CGNL1: variants seen among roughly 807,000 people sequenced by gnomAD.
CGNL1 encodes cingulin like 1.
CGNL1 carries 132 observed loss-of-function variants against 141.2 expected under a neutral mutation model. The observed-to-expected ratio is 0.93, with a 90% CI of 0.81 to 1.08. The LOEUF is 1.08. CGNL1 is among the 50% of genes least tolerant of loss of function. The pLI, the probability that CGNL1 is intolerant of heterozygous loss-of-function variation, is 0.00. For missense variants in CGNL1, 1,870 were observed against 1,588.6 expected (o/e 1.18, Z -3.01); for synonymous variants, 690 against 622.1 (o/e 1.11, Z -1.63).
intron 17 of CGNL1, 105 bp downstream of exon 17, chr15:57,545,805 G>A: frequency 2.1e-6 from 2 of 942,718 alleles, no homozygotes; most frequent in Admixed American, 2.1e-5. Context: ...GTGTGAGTGG[G>A]CTGATTCCTC....
At chr15:57,386,601 C>T (rs2152223297) in intron 1 of CGNL1, among the ~76,000 whole-genome samples, 1 of 152,268 alleles carries the variant, frequency 6.6e-6, no homozygotes, top group Non-Finnish European at 1.5e-5. Flanking sequence ...GCTCTGTGTA[C>T]AACCTTTGGC....
intron 14 of CGNL1, among the ~76,000 whole-genome samples, chr15:57,543,221 T>TCC (rs752699057): frequency 0.38 from 57,593 of 151,916 alleles, 11,374 homozygotes; most frequent in East Asian, 0.51. Context: ...ATCCTCCATC[T>TCC]CCACTTCCCT....
chr15:57,491,024 G>C (rs1166726369), intron 8 of CGNL1, among the ~76,000 whole-genome samples: 3 of 152,156 alleles, frequency 2.0e-5, no homozygotes, highest in Non-Finnish European at 4.4e-5. Context: ...AGAGGAGCCT[G>C]AGGAGCTATG....
intron 14 of CGNL1, among the ~76,000 whole-genome samples, chr15:57,539,016 G>T (rs1387463378): frequency 1.3e-5 from 2 of 152,150 alleles, no homozygotes; most frequent in Non-Finnish European, 2.9e-5. Flanking sequence ...GATAACATCT[G>T]CCTCGGAGAG....
At chr15:57,463,297 A>G (rs371443350) in intron 8 of CGNL1, among the ~76,000 whole-genome samples, 1 of 152,216 alleles carries the variant, frequency 6.6e-6, no homozygotes, top group Non-Finnish European at 1.5e-5. Context: ...GAAAGGATAC[A>G]TGGTAGGTGA....
intron 1 of CGNL1, among the ~76,000 whole-genome samples, chr15:57,419,720 T>A (rs1015248682): frequency 6.6e-6 from 1 of 152,214 alleles, no homozygotes; most frequent in African/African-American, 2.4e-5. Flanking sequence ...CTACTGATAT[T>A]GATCTTGATA....
At chr15:57,473,250 C>G (rs186852366) in intron 8 of CGNL1, among the ~76,000 whole-genome samples, 6 of 152,334 alleles carry the variant, frequency 3.9e-5, no homozygotes, top group Admixed American at 3.3e-4. Context: ...GTTATACTCT[C>G]TCTGACCCTC....
At chr15:57,467,507 G>A (rs2152340665) in intron 8 of CGNL1, among the ~76,000 whole-genome samples, 1 of 152,220 alleles carries the variant, frequency 6.6e-6, no homozygotes, top group South Asian at 2.1e-4. Context: ...GACTTAAGGG[G>A]CGGGTGCAGA....
chr15:57,500,995 A>G (rs2064016119), intron 8 of CGNL1, among the ~76,000 whole-genome samples: 1 of 152,244 alleles, frequency 6.6e-6, no homozygotes, highest in East Asian at 1.9e-4. Flanking sequence ...TATAAAGTAT[A>G]GAATACATGT....
chr15:57,471,708 G>T (rs1381575554), intron 8 of CGNL1, among the ~76,000 whole-genome samples: 1 of 152,198 alleles, frequency 6.6e-6, no homozygotes, highest in African/African-American at 2.4e-5. Context: ...CAGTGATGAG[G>T]AAAATAGGCT....
chr15:57,519,771 G>A (rs2031116588), intron 10 of CGNL1, among the ~76,000 whole-genome samples: 1 of 152,152 alleles, frequency 6.6e-6, no homozygotes, highest in African/African-American at 2.4e-5. Flanking sequence ...GGGGCAGAAA[G>A]AAAGGAAACA....
chr15:57,389,876 G>A (rs1310654140), intron 1 of CGNL1, among the ~76,000 whole-genome samples: 7 of 99,808 alleles, frequency 7.0e-5, no homozygotes, highest in African/African-American at 1.6e-4. Flanking sequence ...GTACAGTGGT[G>A]CCACCTTGGC....
intron 13 of CGNL1, 72 bp from the exon 14 acceptor site, chr15:57,531,618 T>G: frequency 2.1e-6 from 2 of 945,832 alleles, no homozygotes; most frequent in African/African-American, 3.2e-5. Flanking sequence ...ATTGTTTCTC[T>G]GTGGGGGAGC....
chr15:57,487,453 A>G (rs957022297), intron 8 of CGNL1, among the ~76,000 whole-genome samples: 5 of 152,182 alleles, frequency 3.3e-5, no homozygotes, highest in African/African-American at 1.2e-4. Flanking sequence ...CAGTACTGAC[A>G]TACTGGGTTA....
At chr15:57,443,944 A>G (rs1253539607) in intron 4 of CGNL1, among the ~76,000 whole-genome samples, 1 of 152,152 alleles carries the variant, frequency 6.6e-6, no homozygotes, top group Non-Finnish European at 1.5e-5. Flanking sequence ...TCCTTTTTAT[A>G]TTGTTTTATT....
chr15:57,529,559 AACACACACACACACACACACACAC>A (rs10593466), intron 13 of CGNL1, among the ~76,000 whole-genome samples: 13 of 137,920 alleles, frequency 9.4e-5, no homozygotes, highest in Non-Finnish European at 1.7e-4. Flanking sequence ...AACCCCCAGA[AACACACACACACACACACACACAC>A]ACACACACAC....
At chr15:57,420,444 TCATTCTAAC>T (rs1331875641) in intron 1 of CGNL1, among the ~76,000 whole-genome samples, 1 of 152,162 alleles carries the variant, frequency 6.6e-6, no homozygotes, top group African/African-American at 2.4e-5. Flanking sequence ...ACCACATGGG[TCATTCTAAC>T]CTCCTCCCCT....
At chr15:57,456,503 T>A (rs1002816576) in intron 7 of CGNL1, among the ~76,000 whole-genome samples, 18 of 145,020 alleles carry the variant, frequency 1.2e-4, no homozygotes, top group East Asian at 2.0e-4. Flanking sequence ...AAAAAAAAAA[T>A]AAATAAAACA....
At chr15:57,441,363 T>C (rs1259676776) in intron 3 of CGNL1, among the ~76,000 whole-genome samples, 2 of 152,042 alleles carry the variant, frequency 1.3e-5, no homozygotes, top group East Asian at 3.9e-4. Flanking sequence ...ACTTTTAAAA[T>C]TCATTATTTT....
Sources: gnomAD v4.1 joint callset for allele counts (sites outside exome capture counted in the v4.1 genomes callset) on GRCh38, gnomAD v4.1.1 for gene constraint, MANE v1.5 for transcripts, NCBI Gene and HGNC (gene_info 2026-07-23, HGNC 2026-07-21) for gene names.